RNF17: variants seen among roughly 807,000 people sequenced by gnomAD.
The protein encoded by RNF17 is ring finger protein 17, also known as spermatogenesis associated 23.
In RNF17, 31 loss-of-function variants were observed where a neutral mutation model predicts 200.5. The ratio of observed to expected loss-of-function variants is 0.15; its 90% CI spans 0.12 to 0.21. The LOEUF is 0.21. Ranked by LOEUF, RNF17 falls within the 10% of genes least tolerant of loss-of-function variation. The probability of loss-of-function intolerance (pLI) is 1.00; values close to 1 mark genes in which losing one functional copy is unlikely to be tolerated. For missense variants in RNF17, 1,628 were observed against 1,905.1 expected (o/e 0.85, Z 2.71); for synonymous variants, 606 against 637.8 (o/e 0.95, Z 0.75).
the RNF17 span, among the ~76,000 whole-genome samples, chr13:24,888,091 A>T: frequency 6.6e-6 from 1 of 152,204 alleles, no homozygotes; most frequent in African/African-American, 2.4e-5. Flanking sequence ...TTATTTCACA[A>T]AAATAATTTT....
chr13:24,881,009 G>T (rs570087391), downstream of RNF17, among the ~76,000 whole-genome samples: 136 of 152,060 alleles, frequency 8.9e-4, no homozygotes, highest in Non-Finnish European at 1.4e-3. Context: ...TTTTTCTATT[G>T]AGTTATTTGC....
intron 34 of RNF17, among the ~76,000 whole-genome samples, chr13:24,878,308 A>G (rs1566267613): frequency 6.6e-6 from 1 of 152,240 alleles, no homozygotes; most frequent in Non-Finnish European, 1.5e-5. Flanking sequence ...CAACCCAGTG[A>G]AAAAAGGGCA....
intron 6 of RNF17, among the ~76,000 whole-genome samples, chr13:24,784,956 C>T (rs775555381): frequency 1.9e-4 from 29 of 152,172 alleles, no homozygotes; most frequent in Admixed American, 9.2e-4. Flanking sequence ...ATCCATCTGC[C>T]TCGGCCTCCC....
Position 24,870,628 on chromosome 13 carries a change from A to C in RNF17, c.4336A>C (p.Thr1446Pro). 1.2e-6 allele frequency: 2 copies of C among 1,614,138 alleles called. No individual in the cohort carries two copies. Among genetic ancestry groups the C allele is most frequent in the Non-Finnish European group, 1.7e-6 (2 of 1,179,960 alleles). Residue 1446 changes from threonine (T) to proline (P), a missense_variant, in exon 32 of 36, where the codon ACA becomes CCA. Thr to Pro is a conservative substitution (Grantham distance 38). Transcript: ENST00000255324. ...TAACCAGTCTAACCAGCATAGTGACACAGATGATAGTGGAGTCAGCGGGGA... is the reference window on the plus strand; with the variant it reads ...TAACCAGTCTAACCAGCATAGTGACCCAGATGATAGTGGAGTCAGCGGGGA... ...TSNQSNQHSDTDDSGVSGESE... is the reference protein window; with the variant it reads ...TSNQSNQHSDPDDSGVSGESE...
chr13:24,882,169 G>GATACATCTATATAGATAT, downstream of RNF17: 13 of 1,898 alleles, frequency 6.8e-3, 4 homozygotes, highest in African/African-American at 0.018. Flanking sequence ...CATCTATATA[G>GATACATCTATATAGATAT]ATAGATACAT....
chr13:24,884,370 T>TGAC, downstream of RNF17: 1 of 1,614,160 alleles, frequency 6.2e-7, no homozygotes, highest in Non-Finnish European at 8.5e-7. Context: ...TTAAAGAAAG[T>TGAC]GACAGTGATG....
chr13:24,804,183 G>T, intron 14 of RNF17, 105 bp from the exon 15 acceptor site: 1 of 1,023,482 alleles, frequency 9.8e-7, no homozygotes, highest in Non-Finnish European at 1.4e-6. Flanking sequence ...GATTGCTTGA[G>T]CCCAGAAGGG....
In RNF17 at chr13:24,774,746, G is replaced by A. The variant is rs927510041; in HGVS notation, c.226-67G>A. 1.3e-4 allele frequency: 113 copies of A among 892,724 alleles called. 3 individuals are homozygous for A. In the South Asian group the frequency reaches 1.4e-3, roughly 11 times the overall value. The allele number at this position is 892,724 out of a possible 1,614,324, so 55.3% of individuals were successfully genotyped here. ...TTATGAATAGCACACTTAAATAGTT[G>A]TTTAGGTTCTGGATAGGCATAATTT... On this transcript the variant is annotated intron_variant, in intron 2 of 35. Coordinates refer to ENST00000255324, the MANE Select transcript of RNF17 (RefSeq NM_031277.3).
chr13:24,769,194 A>T (rs570650450), intron 2 of RNF17, among the ~76,000 whole-genome samples: 1 of 152,146 alleles, frequency 6.6e-6, no homozygotes, highest in African/African-American at 2.4e-5. Flanking sequence ...ATATTAAAAA[A>T]AAAAAAGACT....
chr13:24,821,677 G>T (rs562250353), intron 15 of RNF17, among the ~76,000 whole-genome samples: 1 of 152,094 alleles, frequency 6.6e-6, no homozygotes, highest in Admixed American at 6.5e-5. Context: ...TTGAGCTCCA[G>T]AATTTCCTTT....
intron 18 of RNF17, among the ~76,000 whole-genome samples, chr13:24,835,739 C>T (rs999179699): frequency 2.6e-5 from 4 of 152,170 alleles, no homozygotes; most frequent in Non-Finnish European, 4.4e-5. Flanking sequence ...GAAAACCAAC[C>T]CTGGTAATAC....
At chr13:24,787,078 T>A (rs1883209294) in intron 6 of RNF17, among the ~76,000 whole-genome samples, 1 of 152,160 alleles carries the variant, frequency 6.6e-6, no homozygotes, top group Non-Finnish European at 1.5e-5. Flanking sequence ...TCTTTCCTTC[T>A]GCCTGTCCAA....
At chr13:24,748,420 G>T in the RNF17 span, among the ~76,000 whole-genome samples, 1 of 152,220 alleles carries the variant, frequency 6.6e-6, no homozygotes, top group South Asian at 2.1e-4. Flanking sequence ...TGTAACTGCC[G>T]GTGGTGGCAG....
intron 11 of RNF17, 95 bp from the exon 12 acceptor site, chr13:24,799,300 A>T: frequency 1.1e-6 from 1 of 906,584 alleles, no homozygotes; most frequent in Non-Finnish European, 1.8e-6. Context: ...TAAACGAATT[A>T]AGACTTTTTC....
At chr13:24,844,563 G>A (rs1891036105) in intron 20 of RNF17, 89 bp from the exon 21 acceptor site, 2 of 1,054,348 alleles carry the variant, frequency 1.9e-6, no homozygotes, top group Non-Finnish European at 2.8e-6. Context: ...GGCTGGAGCG[G>A]AATGAGCAAG....
chr13:24,787,937 C>G (rs1484402200), intron 6 of RNF17, 51 bp from the exon 7 acceptor site: 1 of 1,411,076 alleles, frequency 7.1e-7, no homozygotes, highest in East Asian at 2.4e-5. Context: ...TCGACTTTTT[C>G]TATAAATATT....
intron 15 of RNF17, among the ~76,000 whole-genome samples, chr13:24,811,002 G>C (rs186050680): frequency 6.6e-6 from 1 of 151,886 alleles, no homozygotes; most frequent in Non-Finnish European, 1.5e-5. Context: ...AGTTTCTGCC[G>C]AGAGATCCAC....
downstream of RNF17, chr13:24,883,932 T>C (rs1333540837): frequency 5.0e-6 from 8 of 1,613,802 alleles, no homozygotes; most frequent in South Asian, 8.8e-5. Context: ...TCACACTGAG[T>C]GGTTTTTCTG....
the RNF17 span, chr13:24,751,187 C>T: frequency 2.0e-5 from 3 of 152,072 alleles, no homozygotes; most frequent in Admixed American, 1.3e-4. Context: ...TCATACTCGT[C>T]TTTCTCTTTC....
Sources: allele counts gnomAD v4.1 joint callset (sites outside exome capture counted in the v4.1 genomes callset), GRCh38; gene constraint gnomAD v4.1.1; transcripts MANE v1.5; gene names NCBI Gene and HGNC (gene_info 2026-07-23, HGNC 2026-07-21).